The following RHEB variants were observed in gnomAD, a reference collection of about 807,000 sequenced individuals.
The protein encoded by RHEB is GTP-binding protein Rheb.
In RHEB, 2 loss-of-function variants were observed where a neutral mutation model predicts 28.8. The observed-to-expected ratio is 0.07, with a 90% CI of 0.03 to 0.22. The LOEUF (loss-of-function observed/expected upper bound fraction) is 0.22, where lower values mean the gene tolerates loss of function less well. RHEB is among the 10% of genes least tolerant of loss of function. The pLI, the probability that RHEB is intolerant of heterozygous loss-of-function variation, is 1.00. For synonymous variants in RHEB, 69 were observed against 77.3 expected, an observed-to-expected ratio of 0.89 and a Z score of 0.56; for missense variants, 76 against 219.9, an observed-to-expected ratio of 0.35 and a Z score of 4.14.
intron 4 of RHEB, among the ~76,000 whole-genome samples, chr7:151,473,113 A>T (rs1584847435): frequency 6.6e-6 from 1 of 152,198 alleles, no homozygotes; most frequent in Non-Finnish European, 1.5e-5. Flanking sequence ...GGACCTAGTG[A>T]CGTGCGTCTA....
chr7:151,489,293 A>C (rs1212933601), intron 2 of RHEB, among the ~76,000 whole-genome samples: 2 of 152,200 alleles, frequency 1.3e-5, no homozygotes, highest in Non-Finnish European at 2.9e-5. Context: ...TTATGTTCTT[A>C]TTCCAGTGGA....
chr7:151,495,345 A>G (rs1802654540), intron 1 of RHEB, among the ~76,000 whole-genome samples: 1 of 152,252 alleles, frequency 6.6e-6, no homozygotes, highest in Non-Finnish European at 1.5e-5. Context: ...TTTAAAAGGC[A>G]GTATCTCAAT....
At chr7:151,504,683 C>A (rs1467761224) in intron 1 of RHEB, among the ~76,000 whole-genome samples, 1 of 152,104 alleles carries the variant, frequency 6.6e-6, no homozygotes, top group African/African-American at 2.4e-5. Flanking sequence ...CAAAAAGCTG[C>A]ATAATATATG....
chr7:151,499,400 C>CAGGAA (rs1045186623), intron 1 of RHEB, among the ~76,000 whole-genome samples: 36 of 152,174 alleles, frequency 2.4e-4, no homozygotes, highest in South Asian at 6.2e-4. Flanking sequence ...CAGGACAGGA[C>CAGGAA]AGGAAAGGAA....
chr7:151,477,287 T>C (rs973818293), intron 4 of RHEB, 46 bp downstream of exon 4: 3 of 1,063,758 alleles, frequency 2.8e-6, no homozygotes, highest in South Asian at 2.6e-5. Flanking sequence ...GGATCAATGT[T>C]ATCTATGAGT....
intron 1 of RHEB, chr7:151,498,307 A>C (rs572159531): frequency 1.4e-5 from 6 of 440,178 alleles, no homozygotes; most frequent in Non-Finnish European, 2.2e-5. Flanking sequence ...TGCAACCTGC[A>C]GAATAGAACT....
intron 1 of RHEB, among the ~76,000 whole-genome samples, chr7:151,516,251 GTA>G (rs1803075477): frequency 1.3e-5 from 2 of 152,148 alleles, no homozygotes; most frequent in Admixed American, 1.3e-4. Context: ...AGGGAGAATT[GTA>G]TAGACTACCT....
chr7:151,496,049 G>C (rs1563097657), intron 1 of RHEB, among the ~76,000 whole-genome samples: 2 of 152,168 alleles, frequency 1.3e-5, no homozygotes, highest in East Asian at 3.9e-4. Flanking sequence ...GTCTATCAAG[G>C]CATTCTGCAG....
In RHEB at chr7:151,489,312, C is replaced by T. The variant is rs537902296; in HGVS notation, c.124+1631G>A. ...GTTCTTATTCCAGTGGACAGAAAAC[C>T]GAGCTTGTTCATCCAGCACTCACAT... On this transcript the variant is annotated intron_variant, in intron 2 of 7. Transcript: ENST00000262187. Among the ~76,000 whole-genome samples the T allele has an allele frequency of 2.6e-5, 4 of 152,190 alleles. No individual in the cohort carries two copies. The South Asian group carries it at 8.3e-4, about 32-fold the overall frequency.
chr7:151,513,036 G>T (rs973890142), intron 1 of RHEB, among the ~76,000 whole-genome samples: 3 of 152,168 alleles, frequency 2.0e-5, no homozygotes, highest in Admixed American at 6.5e-5. Context: ...TGGGAAAAGA[G>T]CTGTTTCTAC....
chr7:151,502,384 C>T, intron 1 of RHEB: 3 of 807,364 alleles, frequency 3.7e-6, no homozygotes, highest in Non-Finnish European at 6.7e-6. Context: ...CAGGAGTAAA[C>T]CGCCATCCAG....
intron 3 of RHEB, 83 bp from the exon 4 acceptor site, chr7:151,477,498 T>C (rs2150922990): frequency 1.3e-6 from 1 of 760,528 alleles, no homozygotes; most frequent in East Asian, 2.6e-5. Flanking sequence ...ATGTATTACC[T>C]GAAGAAATCA....
chr7:151,470,695 A>T (rs767952955), intron 6 of RHEB, 43 bp from the exon 7 acceptor site: 3 of 1,338,924 alleles, frequency 2.2e-6, no homozygotes, highest in Non-Finnish European at 3.2e-6. Context: ...TTTGCTCTTC[A>T]TTATATAAAA....
At chr7:151,496,945 A>AT (rs1172246541) in intron 1 of RHEB, among the ~76,000 whole-genome samples, 2,996 of 124,476 alleles carry the variant, frequency 0.024, 30 homozygotes, top group Non-Finnish European at 0.03. Context: ...ACACTCGGCT[A>AT]TTTTTTTTTT....
At chr7:151,475,197 T>C (rs966646512) in intron 4 of RHEB, among the ~76,000 whole-genome samples, 1 of 152,182 alleles carries the variant, frequency 6.6e-6, no homozygotes, top group Admixed American at 6.5e-5. Context: ...TATTTTTCAA[T>C]TTCCCCAGTG....
rs1230521387 is a variant in RHEB, at chr7:151,503,453, T to C, written c.53-12439A>G. 5.9e-6 allele frequency: 7 copies of C among 1,191,400 alleles called. No individual in the cohort carries two copies. The Admixed American group carries it at 1.2e-4, about 20-fold the overall frequency. 73.8% of individuals were successfully genotyped at this position (1,191,400 alleles called of 1,614,324 possible). On this transcript the variant is annotated intron_variant, in intron 1 of 7. Coordinates refer to ENST00000262187, the MANE Select transcript of RHEB (RefSeq NM_005614.4). ...GGAGGAGACAATGAATTTTTTGACC[T>C]TGATGACTAGACATGAGTCTGGCAA...
chr7:151,473,759 T>C (rs937121904), intron 4 of RHEB, among the ~76,000 whole-genome samples: 11 of 151,724 alleles, frequency 7.3e-5, no homozygotes, highest in African/African-American at 2.2e-4. Flanking sequence ...AACCCACTTA[T>C]GCCAGTTAAA....
chr7:151,469,058 T>C (rs1039270675), intron 7 of RHEB, among the ~76,000 whole-genome samples: 1 of 152,270 alleles, frequency 6.6e-6, no homozygotes, highest in Admixed American at 6.5e-5. Context: ...TAGGTATCTC[T>C]TAACTATCTC....
At chr7:151,487,837 C>T (rs1329324663) in intron 2 of RHEB, among the ~76,000 whole-genome samples, 3 of 152,186 alleles carry the variant, frequency 2.0e-5, no homozygotes, top group African/African-American at 4.8e-5. Flanking sequence ...CCCTGAAATT[C>T]TCCTAAGTAG....
Sources: allele counts gnomAD v4.1 joint callset (sites outside exome capture counted in the v4.1 genomes callset), GRCh38; gene constraint gnomAD v4.1.1; transcripts MANE v1.5; gene names NCBI Gene and HGNC (gene_info 2026-07-23, HGNC 2026-07-21).